MAGI2: variants seen among roughly 807,000 people sequenced by gnomAD.
MAGI2 encodes the protein membrane associated guanylate kinase, WW and PDZ domain containing 2.
A neutral mutation model predicts 133.3 loss-of-function variants in MAGI2; 35 were observed. The ratio of observed to expected loss-of-function variants is 0.26; its 90% CI spans 0.20 to 0.35. The LOEUF is 0.35. MAGI2 is among the 10% of genes least tolerant of loss of function. The pLI, the probability that MAGI2 is intolerant of heterozygous loss-of-function variation, is 1.00. For missense variants in MAGI2, 1,636 were observed against 1,863.4 expected (o/e 0.88, Z 2.25); for synonymous variants, 729 against 710.6 (o/e 1.03, Z -0.41).
intron 2 of MAGI2, among the ~76,000 whole-genome samples, chr7:78,637,922 T>G (rs1809853428): frequency 6.6e-6 from 1 of 151,812 alleles, no homozygotes; most frequent in Non-Finnish European, 1.5e-5. Flanking sequence ...TACAAAAAAT[T>G]TAAAAATTAG....
intron 3 of MAGI2, among the ~76,000 whole-genome samples, chr7:78,605,787 A>G (rs1407172076): frequency 1.3e-5 from 2 of 152,144 alleles, no homozygotes; most frequent in Non-Finnish European, 2.9e-5. Flanking sequence ...GCAAGGAAGG[A>G]GTTAGTGGTT....
chr7:78,535,661 C>T (rs528418628), intron 3 of MAGI2, among the ~76,000 whole-genome samples: 5 of 152,024 alleles, frequency 3.3e-5, no homozygotes, highest in African/African-American at 9.6e-5. Flanking sequence ...AAGATGAAAA[C>T]AGCCCTTTCC....
intron 1 of MAGI2, among the ~76,000 whole-genome samples, chr7:79,028,231 GTATGTATATATATATATATATATA>G (rs1810111376): frequency 6.5e-5 from 2 of 30,882 alleles, no homozygotes; most frequent in Admixed American, 5.0e-4. Context: ...ATATATATAT[GTATGTATATATATATATATATATA>G]TATATATATA....
chr7:79,445,152 A>G (rs1848756992), intron 1 of MAGI2, among the ~76,000 whole-genome samples: 1 of 152,236 alleles, frequency 6.6e-6, no homozygotes. Context: ...TATACCTTAT[A>G]TAAAAATTAA....
chr7:78,455,722 A>T (rs1789241384), intron 6 of MAGI2, among the ~76,000 whole-genome samples: 1 of 152,110 alleles, frequency 6.6e-6, no homozygotes, highest in Non-Finnish European at 1.5e-5. Flanking sequence ...TTAGTTTGTT[A>T]TTTCTCATGT....
At chr7:78,578,704 C>A (rs911302787) in intron 3 of MAGI2, among the ~76,000 whole-genome samples, 1 of 152,150 alleles carries the variant, frequency 6.6e-6, no homozygotes, top group Non-Finnish European at 1.5e-5. Context: ...ACACTGTAAG[C>A]TTCTAGAGCT....
At chr7:78,965,926 C>T (rs1373347572) in intron 2 of MAGI2, among the ~76,000 whole-genome samples, 1 of 152,000 alleles carries the variant, frequency 6.6e-6, no homozygotes, top group East Asian at 1.9e-4. Context: ...GCAACCTCAT[C>T]CCTCATCCCT....
chr7:79,235,717 C>T (rs573599511), intron 1 of MAGI2, among the ~76,000 whole-genome samples: 8 of 152,330 alleles, frequency 5.3e-5, no homozygotes, highest in Non-Finnish European at 1.2e-4. Flanking sequence ...GAGATGAACC[C>T]AGTACCTCAG....
At chr7:78,035,555 G>A (rs1810121291) in intron 21 of MAGI2, among the ~76,000 whole-genome samples, 1 of 152,230 alleles carries the variant, frequency 6.6e-6, no homozygotes, top group South Asian at 2.1e-4. Flanking sequence ...TTCCCTCAGT[G>A]TTTTTTCAGA....
At chr7:78,374,070 G>A (rs945764061) in intron 6 of MAGI2, among the ~76,000 whole-genome samples, 1 of 152,120 alleles carries the variant, frequency 6.6e-6, no homozygotes, top group Non-Finnish European at 1.5e-5. Flanking sequence ...ATGTGAGTGC[G>A]TGTGTCTTTT....
chr7:78,238,684 T>A (rs1790812537), intron 10 of MAGI2, among the ~76,000 whole-genome samples: 1 of 152,150 alleles, frequency 6.6e-6, no homozygotes, highest in African/African-American at 2.4e-5. Context: ...CTTCATCTAG[T>A]TTGGACTGCA....
At chr7:78,889,177 G>A (rs1333942664) in intron 2 of MAGI2, among the ~76,000 whole-genome samples, 2 of 151,528 alleles carry the variant, frequency 1.3e-5, no homozygotes, top group Non-Finnish European at 2.9e-5. Flanking sequence ...GAAGTTTAGA[G>A]AAAAAAGAAT....
At chr7:78,667,011 G>C (rs73380216) in intron 2 of MAGI2, among the ~76,000 whole-genome samples, 1 of 151,580 alleles carries the variant, frequency 6.6e-6, no homozygotes, top group Non-Finnish European at 1.5e-5. Flanking sequence ...CAAACATAGA[G>C]AGTTGATCTT....
At chr7:78,222,329 T>G (rs1209385445) in intron 10 of MAGI2, among the ~76,000 whole-genome samples, 1 of 152,196 alleles carries the variant, frequency 6.6e-6, no homozygotes, top group East Asian at 1.9e-4. Context: ...GCCAGCTTCA[T>G]GAGCTCTATG....
intron 6 of MAGI2, among the ~76,000 whole-genome samples, chr7:78,460,250 C>A (rs7795760): frequency 6.6e-6 from 1 of 152,032 alleles, no homozygotes; most frequent in Non-Finnish European, 1.5e-5. Flanking sequence ...CAACTGAGTG[C>A]GCGAATCAAT....
chr7:78,944,713 A>G (rs1228375075), intron 2 of MAGI2, among the ~76,000 whole-genome samples: 2 of 148,914 alleles, frequency 1.3e-5, no homozygotes, highest in African/African-American at 4.9e-5. Flanking sequence ...ACTACTATTT[A>G]TTTATTTATT....
intron 1 of MAGI2, among the ~76,000 whole-genome samples, chr7:79,303,842 G>C (rs188713500): frequency 6.6e-6 from 1 of 152,184 alleles, no homozygotes; most frequent in Admixed American, 6.5e-5. Context: ...CTTGTCTTGC[G>C]TTTCATCTAA....
chr7:78,931,998 CAAA>C (rs72358342), intron 2 of MAGI2, among the ~76,000 whole-genome samples: 11 of 79,066 alleles, frequency 1.4e-4, no homozygotes, highest in Non-Finnish European at 2.4e-4. Context: ...AAAAGGAAGG[CAAA>C]AAAAAAAAAA....
chr7:79,376,835 T>G (rs1168175662), intron 1 of MAGI2, among the ~76,000 whole-genome samples: 1 of 145,108 alleles, frequency 6.9e-6, no homozygotes, highest in African/African-American at 2.9e-5. Flanking sequence ...TGTGTGTGTG[T>G]GTGTGGGTGT....
Sources: allele counts gnomAD v4.1 joint callset (sites outside exome capture counted in the v4.1 genomes callset), GRCh38; gene constraint gnomAD v4.1.1; transcripts MANE v1.5; gene names NCBI Gene and HGNC (gene_info 2026-07-23, HGNC 2026-07-21).